FGF18: variants seen among roughly 807,000 people sequenced by gnomAD.
FGF18 encodes the protein fibroblast growth factor 18.
Under a neutral mutation model 23.0 loss-of-function variants are expected in FGF18, and 5 were observed. That is an observed-to-expected ratio of 0.22 (90% CI 0.11 to 0.46). The LOEUF is 0.46. FGF18 is among the 20% of genes least tolerant of loss of function. FGF18 has a pLI of 0.99. For missense variants in FGF18, 180 were observed against 291.6 expected (o/e 0.62, Z 2.79); for synonymous variants, 117 against 118.9 (o/e 0.98, Z 0.10).
At chr5:171,442,077 C>G (rs1772354513) in intron 3 of FGF18, among the ~76,000 whole-genome samples, 1 of 152,176 alleles carries the variant, frequency 6.6e-6, no homozygotes, top group South Asian at 2.1e-4. Context: ...CCCACAACTT[C>G]TGTCCCCAGG....
Position 171,436,392 on chromosome 5 carries a change from C to A in FGF18, c.250+119C>A. 1.3e-6 allele frequency: 1 copy of A among 758,856 alleles called. No individual in the cohort carries two copies. The allele number at this position is 758,856 out of a possible 1,614,324, so 47.0% of individuals were successfully genotyped here. A position where few individuals can be genotyped will look rare whatever the true frequency, so the allele number is the denominator to read the frequency against. On this transcript the variant is annotated intron_variant, in intron 3 of 4. Coordinates refer to ENST00000274625, the MANE Select transcript of FGF18 (RefSeq NM_003862.3). The surrounding 1 kb of genome is among the most constrained non-coding windows in gnomAD (Gnocchi z 4.4). ...CCTGGCTGTGTGATCTTGGACCTGG[C>A]ACTGACCCTTTCTGGGTCTGTTTCC...
Position 171,436,077 on chromosome 5 carries a change from C to G in FGF18, c.70-16C>G, listed in dbSNP as rs368360601. The G allele has an allele frequency of 3.2e-5, 48 of 1,523,086 alleles. No homozygotes were observed. The highest frequency in any genetic ancestry group is 4.2e-5 in the Non-Finnish European group (47 of 1,128,766). 94.3% of individuals were successfully genotyped at this position (1,523,086 alleles called of 1,614,324 possible). On this transcript the variant is annotated splice_polypyrimidine_tract_variant and intron_variant, in intron 2 of 4. Transcript: ENST00000274625. The surrounding 1 kb of genome is among the most constrained non-coding windows in gnomAD (Gnocchi z 4.4). ...GGACATCTGGGGTGGCTTACTGTGT[C>G]CTTTTCCCTGCCCAGGTGCTGGTTG...
At chr5:171,449,874 T>C (rs1158139527) in intron 4 of FGF18, among the ~76,000 whole-genome samples, 1 of 151,734 alleles carries the variant, frequency 6.6e-6, no homozygotes, top group East Asian at 1.9e-4. Context: ...GAGACCCACG[T>C]GTGTGGGGAT....
Position 171,456,308 on chromosome 5 carries a change from C to T in FGF18, c.358-231C>T, listed in dbSNP as rs937030711. Reference sequence around the variant, plus strand: ...AGGTGGCTTTAGCCAGAATCCCCTACACCCTCGATGTTTCCTCTTAGTCAT... The same window carrying T: ...AGGTGGCTTTAGCCAGAATCCCCTATACCCTCGATGTTTCCTCTTAGTCAT... On this transcript the variant is annotated intron_variant, in intron 4 of 4. Coordinates refer to ENST00000274625, the MANE Select transcript of FGF18 (RefSeq NM_003862.3). The surrounding 1 kb of genome is among the most constrained non-coding windows in gnomAD (Gnocchi z 6.1). 6.6e-6 allele frequency among the ~76,000 whole-genome samples: 1 copy of T among 152,202 alleles called. No homozygotes were observed. Among genetic ancestry groups the T allele is most frequent in the African/African-American group, 2.4e-5 (1 of 41,442 alleles).
chr5:171,442,945 C>G (rs1382930365), intron 3 of FGF18, among the ~76,000 whole-genome samples: 1 of 152,258 alleles, frequency 6.6e-6, no homozygotes, highest in African/African-American at 2.4e-5. Context: ...GAATCTCCAT[C>G]TGTCTCAAAC....
intron 2 of FGF18, among the ~76,000 whole-genome samples, chr5:171,433,743 GT>G (rs1224573432): frequency 6.6e-6 from 1 of 152,202 alleles, no homozygotes; most frequent in Non-Finnish European, 1.5e-5. Flanking sequence ...CTGGGCCTTA[GT>G]GTCTCCATCC....
intron 2 of FGF18, among the ~76,000 whole-genome samples, chr5:171,429,329 G>A (rs74951660): frequency 0.14 from 20,834 of 152,262 alleles, 1,720 homozygotes; most frequent in Non-Finnish European, 0.19. Flanking sequence ...GATAGTAATA[G>A]TTTCAGCTGC....
intron 2 of FGF18, among the ~76,000 whole-genome samples, chr5:171,427,580 C>T (rs372010289): frequency 5.3e-5 from 8 of 152,308 alleles, no homozygotes; most frequent in African/African-American, 1.9e-4. Context: ...ATGCTCATCC[C>T]ACTCCCCTGG....
intron 4 of FGF18, 107 bp downstream of exon 4, chr5:171,449,360 C>CGTGTGTGTGGGT: frequency 5.8e-6 from 1 of 171,620 alleles, no homozygotes; most frequent in Admixed American, 6.3e-5. Flanking sequence ...GAAAACAGGC[C>CGTGTGTGTGGGT]GTGTGTGTGT....
At chr5:171,431,786 C>T (rs996803002) in intron 2 of FGF18, among the ~76,000 whole-genome samples, 13 of 152,090 alleles carry the variant, frequency 8.5e-5, no homozygotes, top group Non-Finnish European at 1.8e-4. Context: ...AGACTGGGCG[C>T]GGTGGCTCAC....
rs943298238 is a variant in FGF18 at position 171,434,729 on chromosome 5, C to G, written c.70-1364C>G. Among the ~76,000 whole-genome samples the G allele has an allele frequency of 1.3e-5, 2 of 151,926 alleles. No individual in the cohort carries two copies. Among genetic ancestry groups the G allele is most frequent in the Non-Finnish European group, 2.9e-5 (2 of 67,982 alleles). On this transcript the variant is annotated intron_variant, in intron 2 of 4. Transcript: ENST00000274625. This position sits in a 1 kb window ranked among gnomAD's most constrained non-coding sequence, Gnocchi z 4.6. The stretch of plus-strand genomic sequence containing the variant: ...TTCAACATTTGTTTATGTATCCATT[C>G]AAGAAGCGTTTGAGTTTCTACCGTG...
chr5:171,456,473 C>A lies in FGF18; in HGVS notation c.358-66C>A, dbSNP rs956042740. On this transcript the variant is annotated intron_variant, in intron 4 of 4. Transcript: ENST00000274625. The surrounding 1 kb of genome is among the most constrained non-coding windows in gnomAD (Gnocchi z 6.1). Reference sequence around the variant, plus strand: ...CAATGGTCCTGAATAAAACCTTCCTCGCTGTGCTTTGGCAAGCATAACTGA... The same window carrying A: ...CAATGGTCCTGAATAAAACCTTCCTAGCTGTGCTTTGGCAAGCATAACTGA... The A allele has an allele frequency of 3.3e-6, 5 of 1,508,768 alleles. No individual in the cohort carries two copies. The African/African-American group carries it at 6.9e-5, about 21-fold the overall frequency. The allele number at this position is 1,508,768 out of a possible 1,614,324, so 93.5% of individuals were successfully genotyped here. A position where few individuals can be genotyped will look rare whatever the true frequency, so the allele number is the denominator to read the frequency against.
At chr5:171,438,147 G>A (rs1772281558) in intron 3 of FGF18, among the ~76,000 whole-genome samples, 1 of 148,498 alleles carries the variant, frequency 6.7e-6, no homozygotes, top group Admixed American at 6.7e-5. Context: ...TGCCCAGGCT[G>A]GAGTGGTGCA....
In FGF18 at chr5:171,436,309, C is replaced by T. The variant is rs72829770; in HGVS notation, c.250+36C>T. 0.024 allele frequency: 34,726 copies of T among 1,435,726 alleles called. 494 individuals are homozygous for T. Among genetic ancestry groups the T allele is most frequent in the Non-Finnish European group, 0.029 (31,314 of 1,082,446 alleles). 88.9% of individuals were successfully genotyped at this position (1,435,726 alleles called of 1,614,324 possible). A position where few individuals can be genotyped will look rare whatever the true frequency, so the allele number is the denominator to read the frequency against. ...ACCCTCTCCTCCTACTCCGTGTACC[C>T]GTGTACATGTCCTTCCTGGCCTCAG... is the stretch of plus-strand genomic sequence containing the variant. On this transcript the variant is annotated intron_variant, in intron 3 of 4. Transcript: ENST00000274625. This position sits in a 1 kb window ranked among gnomAD's most constrained non-coding sequence, Gnocchi z 4.4.
At chr5:171,454,693 A>G (rs967820168) in intron 4 of FGF18, among the ~76,000 whole-genome samples, 4 of 152,230 alleles carry the variant, frequency 2.6e-5, no homozygotes, top group African/African-American at 7.2e-5. Flanking sequence ...TTCCACTTCA[A>G]ACAAAAGGCT....
Position 171,448,594 on chromosome 5 carries a change from G to A in FGF18, c.251-553G>A, listed in dbSNP as rs115404269. On this transcript the variant is annotated intron_variant, in intron 3 of 4. Coordinates refer to ENST00000274625, the MANE Select transcript of FGF18 (RefSeq NM_003862.3). ...CTACTTCTCTGTGGTTATTTGTATG[G>A]CATCTGTCCTGATTTGGGGAATGGG... Among the ~76,000 whole-genome samples, 433 of 152,198 alleles carry A rather than the reference G, an allele frequency of 2.8e-3. 1 individual carries two copies. Among genetic ancestry groups the A allele is most frequent in the Non-Finnish European group, 4.9e-3 (331 of 67,998 alleles).
intron 4 of FGF18, among the ~76,000 whole-genome samples, chr5:171,453,473 C>T (rs997389881): frequency 1.8e-4 from 27 of 152,098 alleles, no homozygotes; most frequent in Admixed American, 4.6e-4. Flanking sequence ...CTGGGGGAGG[C>T]GAGATGTTTT....
intron 2 of FGF18, among the ~76,000 whole-genome samples, chr5:171,427,893 T>A (rs764080974): frequency 1.3e-5 from 2 of 151,880 alleles, no homozygotes; most frequent in Non-Finnish European, 2.9e-5. Context: ...CAGGGATGGG[T>A]GGGTTCTGGG....
chr5:171,430,794 C>CAAA (rs566577499), intron 2 of FGF18, among the ~76,000 whole-genome samples: 11 of 53,774 alleles, frequency 2.0e-4, no homozygotes, highest in Non-Finnish European at 3.3e-4. Context: ...GACTCCGTCT[C>CAAA]AAAAAAAAAA....
Sources: allele counts gnomAD v4.1 joint callset (sites outside exome capture counted in the v4.1 genomes callset), GRCh38; gene constraint gnomAD v4.1.1; non-coding constraint Gnocchi (gnomAD v3.1); transcripts MANE v1.5; gene names NCBI Gene and HGNC (gene_info 2026-07-23, HGNC 2026-07-21).